ZFPM1: variants seen among roughly 807,000 people sequenced by gnomAD.
ZFPM1 encodes zinc finger protein, FOG family member 1.
Under a neutral mutation model 46.3 loss-of-function variants are expected in ZFPM1, and 28 were observed. The observed-to-expected ratio is 0.60, with a 90% CI of 0.45 to 0.83. The LOEUF is 0.83. Among genes scored for constraint, ZFPM1 ranks in the 40% least tolerant of loss-of-function variants. The pLI is 0.00. For missense variants in ZFPM1, 1,878 were observed against 1,432.4 expected, an observed-to-expected ratio of 1.31 and a Z score of -5.02; for synonymous variants, 957 against 675.9, an observed-to-expected ratio of 1.42 and a Z score of -6.45.
intron 1 of ZFPM1, among the ~76,000 whole-genome samples, chr16:88,464,880 C>A (rs1290241639): frequency 2.0e-5 from 3 of 152,174 alleles, no homozygotes; most frequent in Non-Finnish European, 4.4e-5. Context: ...GCCTCTCCAC[C>A]CATTAACATT....
chr16:88,490,334 G>A (rs1186660875), intron 3 of ZFPM1, among the ~76,000 whole-genome samples: 1 of 152,206 alleles, frequency 6.6e-6, no homozygotes, highest in East Asian at 1.9e-4. Flanking sequence ...TTACAGGCGT[G>A]AGCCACCACG....
At chr16:88,476,530 G>A (rs1255742059) in intron 1 of ZFPM1, among the ~76,000 whole-genome samples, 1 of 152,090 alleles carries the variant, frequency 6.6e-6, no homozygotes, top group African/African-American at 2.4e-5. Flanking sequence ...TGGCAGAGAG[G>A]GCAGCCAGGG....
Position 88,479,057 on chromosome 16 carries a change from C to T in ZFPM1, c.41-6882C>T, listed in dbSNP as rs140252952. ...AAGGCGCCGTCTGCTCCGGGCTCTC[C>T]CAGGCTCTGCGCCCACTCCCTCAGC... On this transcript the variant is annotated intron_variant, in intron 1 of 9. Coordinates refer to ENST00000319555, the MANE Select transcript of ZFPM1 (RefSeq NM_153813.3). Among the ~76,000 whole-genome samples, 309 of 152,322 alleles carry T rather than the reference C, an allele frequency of 2.0e-3. 2 individuals carry two copies. Among genetic ancestry groups the T allele is most frequent in the African/African-American group, 7.2e-3 (300 of 41,566 alleles).
In ZFPM1 at chr16:88,535,021, C is replaced by T. The variant is rs759089962; in HGVS notation, c.*42C>T. On this transcript the variant is annotated 3_prime_UTR_variant, in exon 10 of 10. Transcript: ENST00000319555. ...CGCAGACGCTTTGCACGCCCCGCTG[C>T]GATGCGGGGAGGGGGCCGCCCCCAG... 8 of 1,353,860 alleles carry T rather than the reference C, an allele frequency of 5.9e-6. No individual in the cohort carries two copies. Among genetic ancestry groups the T allele is most frequent in the Middle Eastern group, 2.0e-4 (1 of 5,072 alleles). The allele number at this position is 1,353,860 out of a possible 1,614,324, so 83.9% of individuals were successfully genotyped here.
Position 88,532,720 on chromosome 16 carries a change from C to T in ZFPM1, c.1042+11C>T, listed in dbSNP as rs1912890554. On this transcript the variant is annotated intron_variant, in intron 8 of 9. Transcript: ENST00000319555. ...CGGACACGCTGAGCGGTAGGCACCG[C>T]AGGGGCCGGGGGGTGTGTGGGTCCC... 6.2e-7 allele frequency: 1 copy of T among 1,612,234 alleles called. No individual in the cohort carries two copies. Among genetic ancestry groups the T allele is most frequent in the Non-Finnish European group, 8.5e-7 (1 of 1,179,488 alleles).
In ZFPM1 at chr16:88,532,028, G is replaced by A. The variant is rs552294574; in HGVS notation, c.739G>A (p.Gly247Ser). ...NKDVFPCKDC[G>S]IWYRSERNLQ... ...AGACGTCTTCCCCTGCAAGGACTGT[G>A]GCATCTGGTACCGCAGCGAGCGCAA... Residue 247 changes from glycine (G) to serine (S), a missense_variant, in exon 7 of 10, where the codon GGC becomes AGC. Coordinates refer to ENST00000319555, the MANE Select transcript of ZFPM1 (RefSeq NM_153813.3). 6.2e-7 allele frequency: 1 copy of A among 1,609,674 alleles called. No homozygotes were observed. Among genetic ancestry groups the A allele is most frequent in the South Asian group, 1.1e-5 (1 of 90,842 alleles).
intron 1 of ZFPM1, among the ~76,000 whole-genome samples, chr16:88,459,515 C>A (rs887942739): frequency 1.3e-5 from 2 of 150,340 alleles, no homozygotes; most frequent in African/African-American, 2.5e-5. Flanking sequence ...CTAACCCTCT[C>A]CCCCTCCTAC....
intron 9 of ZFPM1, 64 bp downstream of exon 9, chr16:88,532,999 G>T (rs1289021686): frequency 1.3e-6 from 2 of 1,597,208 alleles, no homozygotes; most frequent in East Asian, 4.5e-5. Flanking sequence ...AAGGGAGTGG[G>T]CTTGTCGCCC....
At chr16:88,485,616 T>A (rs1389592565) in intron 1 of ZFPM1, among the ~76,000 whole-genome samples, 1 of 151,578 alleles carries the variant, frequency 6.6e-6, no homozygotes, top group African/African-American at 2.4e-5. Context: ...ATTTTTGTAT[T>A]TTTTATAGAG....
chr16:88,472,656 T>C (rs893911293), intron 1 of ZFPM1, among the ~76,000 whole-genome samples: 1 of 152,184 alleles, frequency 6.6e-6, no homozygotes, highest in African/African-American at 2.4e-5. Flanking sequence ...CCGGCCTGAA[T>C]TTTCTATTTT....
In ZFPM1 at chr16:88,514,472, C is replaced by G. The variant is rs867838976; in HGVS notation, c.354C>G (p.Phe118Leu). The G allele has an allele frequency of 4.5e-6, 7 of 1,563,556 alleles. No homozygotes were observed. In the South Asian group the frequency reaches 8.2e-5, roughly 18 times the overall value. ...CCACGGGCCTGTCCTGGGGCCCGTT[C>G]CATGGGAGTGTCCAGACCAGAGCCT... The part of the protein sequence containing the change: ...SLATGLSWGP[F>L]HGSVQTRASS... Residue 118 changes from phenylalanine (F) to leucine (L), a missense_variant, in exon 4 of 10, where the codon TTC becomes TTG. Transcript: ENST00000319555.
intron 4 of ZFPM1, among the ~76,000 whole-genome samples, chr16:88,521,058 G>T (rs1911841724): frequency 7.3e-6 from 1 of 136,586 alleles, no homozygotes; most frequent in African/African-American, 2.6e-5. Context: ...TGGATGGATG[G>T]GAGGGTGGGT....
At chr16:88,528,399 G>A (rs1881692670) in intron 6 of ZFPM1, among the ~76,000 whole-genome samples, 161 bp downstream of exon 6, 2 of 152,188 alleles carry the variant, frequency 1.3e-5, no homozygotes, top group South Asian at 2.1e-4. Context: ...GGTCCCAAGT[G>A]CAGAACACAT....
chr16:88,493,031 C>A (rs1027200968), intron 3 of ZFPM1, among the ~76,000 whole-genome samples: 2 of 149,718 alleles, frequency 1.3e-5, no homozygotes, highest in Non-Finnish European at 3.0e-5. Context: ...GGAGAGCTGT[C>A]CCGGGGTATG....
chr16:88,493,892 C>T (rs543590117), intron 3 of ZFPM1, among the ~76,000 whole-genome samples: 1 of 152,160 alleles, frequency 6.6e-6, no homozygotes, highest in Non-Finnish European at 1.5e-5. Context: ...TGCTCTCGAG[C>T]GCCACGGCTT....
At chr16:88,506,461 G>C (rs1322286942) in intron 3 of ZFPM1, among the ~76,000 whole-genome samples, 2 of 142,300 alleles carry the variant, frequency 1.4e-5, no homozygotes, top group African/African-American at 2.5e-5. Context: ...TGCAATGCTG[G>C]GCACACAATA....
At position 88,533,700 on chromosome 16, in the gene ZFPM1, A is replaced by G. The variant is rs1346381331; in HGVS notation, c.1742A>G (p.Glu581Gly). ...PGAPKGATCF[E>G]CEITFSNVNN... ...GCCCCCAAGGGCGCTACGTGCTTCG[A>G]GTGCGAGATCACCTTCAGCAACGTC... The change falls in exon 10 of 10, where the codon GAG becomes GGG. Residue 581 changes from glutamate (E) to glycine (G), a missense_variant. Coordinates refer to ENST00000319555, the MANE Select transcript of ZFPM1 (RefSeq NM_153813.3). 7 of 1,493,156 alleles carry G rather than the reference A, an allele frequency of 4.7e-6. No individual in the cohort carries two copies. The highest frequency in any genetic ancestry group is 9.0e-7 in the Non-Finnish European group (1 of 1,113,358). 92.5% of individuals were successfully genotyped at this position (1,493,156 alleles called of 1,614,324 possible). A position where few individuals can be genotyped will look rare whatever the true frequency, so the allele number is the denominator to read the frequency against.
In ZFPM1 at chr16:88,533,676, C is replaced by T; in HGVS notation, c.1718C>T (p.Ala573Val). The T allele has an allele frequency of 6.7e-7, 1 of 1,488,810 alleles. No homozygotes were observed. Among genetic ancestry groups the T allele is most frequent in the Admixed American group, 2.2e-5 (1 of 45,406 alleles). 92.2% of individuals were successfully genotyped at this position (1,488,810 alleles called of 1,614,324 possible). ...GCGCAGACCGGGCTCTTCCCCGGGG[C>T]CCCCAAGGGCGCTACGTGCTTCGAG... Reference protein sequence around the residue: ...GGAQTGLFPGAPKGATCFECE... With the variant: ...GGAQTGLFPGVPKGATCFECE... The change falls in exon 10 of 10, where the codon GCC becomes GTC. Residue 573 changes from alanine to valine, a missense_variant. Ala to Val is a moderately conservative substitution (Grantham distance 64). Coordinates refer to ENST00000319555, the MANE Select transcript of ZFPM1 (RefSeq NM_153813.3).
Position 88,534,627 on chromosome 16 carries a change from T to TCGAGGCCCGGACGC in ZFPM1, c.2672_2685dup (p.Ala896ArgfsTer115). ...GGCGCGCCCCTGGCCGGCCCGGGGGTCGAGGCCCGGACGCCGGCCGACCGC... is the reference window on the plus strand; with the variant it reads ...GGCGCGCCCCTGGCCGGCCCGGGGGTCGAGGCCCGGACGCCGAGGCCCGGACGCCGGCCGACCGC... On this transcript the variant is annotated frameshift_variant, in exon 10 of 10. Transcript: ENST00000319555. LOFTEE classifies it low-confidence loss of function (END_TRUNC). 1 of 1,099,398 alleles carries TCGAGGCCCGGACGC rather than the reference T, an allele frequency of 9.1e-7. No homozygotes were observed. The highest frequency in any genetic ancestry group is 1.1e-6 in the Non-Finnish European group (1 of 906,102). 68.1% of individuals were successfully genotyped at this position (1,099,398 alleles called of 1,614,324 possible).
Sources: gnomAD v4.1 joint callset for allele counts (sites outside exome capture counted in the v4.1 genomes callset) on GRCh38, gnomAD v4.1.1 for gene constraint, MANE v1.5 for transcripts, NCBI Gene and HGNC (gene_info 2026-07-23, HGNC 2026-07-21) for gene names.